Variants in TRIOBP observed in about 807,000 individuals in gnomAD.
TRIOBP encodes TRIO and F-actin-binding protein.
Under a neutral mutation model 238.8 loss-of-function variants are expected in TRIOBP, and 169 were observed. That is an observed-to-expected ratio of 0.71 (90% confidence interval 0.62 to 0.80). The LOEUF (loss-of-function observed/expected upper bound fraction) is 0.80. Among genes scored for constraint, TRIOBP ranks in the 30% least tolerant of loss-of-function variants. TRIOBP has a pLI of 0.00. For missense variants in TRIOBP, 2,838 were observed against 3,122.6 expected (o/e 0.91, Z 2.17); for synonymous variants, 1,150 against 1,274.4 (o/e 0.90, Z 2.08).
At chr22:37,701,560 C>T (rs1326702958) in intron 3 of TRIOBP, 81 bp downstream of exon 3, 8 of 1,006,560 alleles carry the variant, frequency 7.9e-6, no homozygotes, top group South Asian at 2.7e-5. Context: ...TCCGCTAACT[C>T]GCAGTTGAAC....
chr22:37,723,928 C>T lies in TRIOBP; in HGVS notation c.1372C>T (p.Arg458Trp), dbSNP rs1332697846. ...CAACCCCACAACATCCTGTGCCCAG[C>T]GGGACAATCCCAGAGCCTCCAGAAC... is the stretch of plus-strand genomic sequence containing the variant. ...RDNPTTSCAQ[R>W]DNPRASRTSS... The change falls in exon 7 of 24, where the codon CGG becomes TGG. Residue 458 changes from arginine (R) to tryptophan (W), a missense_variant. Arg to Trp is a moderately radical substitution (Grantham distance 101). Coordinates refer to ENST00000644935, the MANE Select transcript of TRIOBP (RefSeq NM_001039141.3). 6 of 1,193,236 alleles carry T rather than the reference C, an allele frequency of 5.0e-6. No homozygotes were observed. In the East Asian group the frequency reaches 7.2e-5, roughly 14 times the overall value. 73.9% of individuals were successfully genotyped at this position (1,193,236 alleles called of 1,614,324 possible).
At chr22:37,715,670 C>T (rs1304472348) in intron 5 of TRIOBP, 93 bp from the exon 6 acceptor site, 34 of 1,451,152 alleles carry the variant, frequency 2.3e-5, no homozygotes, top group Non-Finnish European at 2.4e-5. Flanking sequence ...TGCCAATTCC[C>T]TTCCCTTCCT....
rs1346851101 is a variant in TRIOBP, at chr22:37,723,796, G to A, written c.1240G>A (p.Ala414Thr). 1 of 1,417,188 alleles carries A rather than the reference G, an allele frequency of 7.1e-7. No homozygotes were observed. Among genetic ancestry groups the A allele is most frequent in the Non-Finnish European group, 9.9e-7 (1 of 1,009,380 alleles). 87.8% of individuals were successfully genotyped at this position (1,417,188 alleles called of 1,614,324 possible). The change falls in exon 7 of 24, where the codon GCC becomes ACC. Residue 414 changes from alanine (A) to threonine (T), a missense_variant. Ala to Thr is a moderately conservative substitution (Grantham distance 58). This residue lies in a region of TRIOBP where 535 missense variants were observed against 537.3 expected (regional missense o/e 1.00). Coordinates refer to ENST00000644935, the MANE Select transcript of TRIOBP (RefSeq NM_001039141.3). ...CTGTGCCCAGCGGGACAATCCCAAAGCCTCCAGAACCTCCTCTCCCAATAG... is the reference window on the plus strand; with the variant it reads ...CTGTGCCCAGCGGGACAATCCCAAAACCTCCAGAACCTCCTCTCCCAATAG... ...TSCAQRDNPK[A>T]SRTSSPNRAT...
At chr22:37,759,597 C>T (rs1300959585) in intron 17 of TRIOBP, 12 of 1,568,206 alleles carry the variant, frequency 7.7e-6, no homozygotes, top group African/African-American at 1.4e-5. Context: ...GGACCCTTGC[C>T]CCGGGGAAGT....
intron 17 of TRIOBP, chr22:37,760,197 T>C (rs1336906874): frequency 1.3e-5 from 2 of 152,370 alleles, no homozygotes; most frequent in African/African-American, 4.8e-5. Context: ...CTATTAAGAA[T>C]ATTTTTGCAA....
intron 7 of TRIOBP, among the ~76,000 whole-genome samples, chr22:37,731,641 G>A (rs1016411138): frequency 4.8e-4 from 73 of 151,902 alleles, no homozygotes; most frequent in African/African-American, 1.6e-3. Context: ...ATTTTTAGTA[G>A]AGATTGGGTT....
intron 9 of TRIOBP, among the ~76,000 whole-genome samples, chr22:37,736,490 G>A (rs1924679140): frequency 6.6e-6 from 1 of 152,214 alleles, no homozygotes; most frequent in Admixed American, 6.5e-5. Flanking sequence ...GCCTCAAGTG[G>A]ATAGGAGGCA....
rs772539880 is a variant in TRIOBP at position 37,726,093 on chromosome 22, C to T, written c.3537C>T (p.Arg1179=). The change falls in exon 7 of 24, where the codon CGC becomes CGT. Residue 1179 remains arginine (R), a synonymous_variant. Transcript: ENST00000644935. ...RDAPSFSSPP[R]QAPEPSLFFQ... ...CACCCTCCTTCTCATCCCCACCACG[C>T]CAGGCTCCTGAGCCATCCCTCTTCT... The T allele has an allele frequency of 6.8e-5, 106 of 1,556,018 alleles. No individual in the cohort carries two copies. The highest frequency in any genetic ancestry group is 8.8e-5 in the Non-Finnish European group (101 of 1,145,772).
chr22:37,753,528 C>T (rs1389820941), intron 12 of TRIOBP, among the ~76,000 whole-genome samples: 1 of 152,242 alleles, frequency 6.6e-6, no homozygotes, highest in Non-Finnish European at 1.5e-5. Flanking sequence ...ATCCACCCTT[C>T]TCAGCCTCCC....
At chr22:37,721,661 A>G (rs1923837079) in intron 6 of TRIOBP, among the ~76,000 whole-genome samples, 1 of 152,014 alleles carries the variant, frequency 6.6e-6, no homozygotes, top group African/African-American at 2.4e-5. Flanking sequence ...AAAAACTTGT[A>G]GTAGAGACAG....
Position 37,735,387 on chromosome 22 carries a change from C to A in TRIOBP, c.5051C>A (p.Thr1684Lys). The change falls in exon 9 of 24, where the codon ACG (threonine) becomes AAG (lysine). Residue 1684 changes from threonine to lysine, a missense_variant. Transcript: ENST00000644935. Reference protein sequence around the residue: ...ATATLAGLEQTGPLGSRSTAK... With the variant: ...ATATLAGLEQKGPLGSRSTAK... ...GCAACTCTGGCAGGCCTGGAGCAGA[C>A]GGGCCCCCTGGGGAGCAGGAGCACT... The A allele has an allele frequency of 6.2e-7, 1 of 1,606,286 alleles. No individual in the cohort carries two copies. Among genetic ancestry groups the A allele is most frequent in the Non-Finnish European group, 8.5e-7 (1 of 1,176,794 alleles).
In TRIOBP at chr22:37,725,912, C is replaced by T. The variant is rs1924123965; in HGVS notation, c.3356C>T (p.Ala1119Val). The T allele has an allele frequency of 1.2e-6, 2 of 1,613,682 alleles. No individual in the cohort carries two copies. Residue 1119 changes from alanine (A) to valine (V), a missense_variant, in exon 7 of 24, where the codon GCA becomes GTA. Physicochemically the swap from Ala to Val is moderately conservative, Grantham distance 64 (BLOSUM62 0). Coordinates refer to ENST00000644935, the MANE Select transcript of TRIOBP (RefSeq NM_001039141.3). ...PAPVCIGYRDAPRASSPPRQA... is the reference protein window; with the variant it reads ...PAPVCIGYRDVPRASSPPRQA... The stretch of plus-strand genomic sequence containing the variant: ...CCTGTGTGTATTGGGTACCGAGATG[C>T]ACCCCGGGCCTCCTCCCCACCACGC...
intron 17 of TRIOBP, 145 bp downstream of exon 17, chr22:37,759,409 C>T: frequency 3.1e-6 from 4 of 1,281,802 alleles, no homozygotes; most frequent in Non-Finnish European, 4.6e-6. Flanking sequence ...CATTTACTCT[C>T]CCCACAGCTG....
chr22:37,705,679 G>A (rs868286443), intron 3 of TRIOBP, among the ~76,000 whole-genome samples: 5 of 152,022 alleles, frequency 3.3e-5, no homozygotes, highest in Middle Eastern at 3.4e-3. Context: ...AGGTTCAAGC[G>A]ATTCTCCTGC....
At chr22:37,728,387 T>C (rs1236003829) in intron 7 of TRIOBP, among the ~76,000 whole-genome samples, 7 of 152,108 alleles carry the variant, frequency 4.6e-5, no homozygotes, top group African/African-American at 1.4e-4. Context: ...TGAGCTGAGA[T>C]TGCGTCATTG....
At position 37,757,964 on chromosome 22, in the gene TRIOBP, C is replaced by A. The variant is rs876657596; in HGVS notation, c.6039C>A (p.Pro2013=). The change falls in exon 16 of 24, where the codon CCC becomes CCA. Residue 2013 remains proline, a synonymous_variant. Transcript: ENST00000644935. ...GGCCGCGCCGGGGCCTGGGTGCCCC[C>A]CTGACTGAGGACCAGCAAAACCGGC... ...GEGPRRGLGA[P]LTEDQQNRLS... 5.1e-6 allele frequency: 8 copies of A among 1,572,510 alleles called. No homozygotes were observed. Among genetic ancestry groups the A allele is most frequent in the Non-Finnish European group, 6.0e-6 (7 of 1,159,868 alleles).
chr22:37,773,142 T>C (rs1293835125), intron 23 of TRIOBP, among the ~76,000 whole-genome samples: 1 of 152,168 alleles, frequency 6.6e-6, no homozygotes, highest in African/African-American at 2.4e-5. Context: ...TCCCAGTTAG[T>C]CTTAACACTC....
chr22:37,710,668 T>G (rs1313300133), intron 4 of TRIOBP, 102 bp downstream of exon 4: 5 of 1,469,014 alleles, frequency 3.4e-6, no homozygotes, highest in African/African-American at 1.4e-5. Flanking sequence ...CTCTAATGGC[T>G]GCTGGCATGG....
chr22:37,769,262 G>A lies in TRIOBP; in HGVS notation c.6736G>A (p.Glu2246Lys), dbSNP rs138139146. The change falls in exon 21 of 24, where the codon GAG becomes AAG. Residue 2246 changes from glutamate to lysine, a missense_variant and splice_region_variant. Glu to Lys is a moderately conservative substitution (Grantham distance 56). Transcript: ENST00000644935. ...EGQELLRHNQ[E>K]LHGRLSEEID... ...CCCCTGACCACCGTGCCTCTCCCAG[G>A]AGCTGCATGGCCGCCTGTCAGAGGA... The A allele has an allele frequency of 7.0e-3, 11,197 of 1,609,952 alleles. 52 individuals carry two copies. The highest frequency in any genetic ancestry group is 8.1e-3 in the Non-Finnish European group (9,585 of 1,178,648).
Sources: gnomAD v4.1 joint callset for allele counts (sites outside exome capture counted in the v4.1 genomes callset) on GRCh38, gnomAD v4.1.1 for gene constraint, gnomAD v4.1.1 regional missense constraint, MANE v1.5 for transcripts, NCBI Gene and HGNC (gene_info 2026-07-23, HGNC 2026-07-21) for gene names.